ERCC6L2: variants seen among roughly 807,000 people sequenced by gnomAD.
ERCC6L2 encodes DNA excision repair protein ERCC-6-like 2.
Under a neutral mutation model 132.0 loss-of-function variants are expected in ERCC6L2, and 77 were observed. That is an observed-to-expected ratio of 0.58 (90% CI 0.49 to 0.71). The LOEUF is 0.71. Among genes scored for constraint, ERCC6L2 ranks in the 30% least tolerant of loss-of-function variants. The pLI, the probability that ERCC6L2 is intolerant of heterozygous loss-of-function variation, is 0.00. For missense variants in ERCC6L2, 1,542 were observed against 1,837.6 expected, an observed-to-expected ratio of 0.84 and a Z score of 2.94; for synonymous variants, 583 against 632.4, an observed-to-expected ratio of 0.92 and a Z score of 1.17.
At chr9:95,895,948 G>C (rs1461352918) in intron 2 of ERCC6L2, among the ~76,000 whole-genome samples, 1 of 152,010 alleles carries the variant, frequency 6.6e-6, no homozygotes, top group Non-Finnish European at 1.5e-5. Flanking sequence ...GGATGGTCTT[G>C]ATCTCCTGAC....
At chr9:95,986,000 A>G (rs1428172440) in intron 17 of ERCC6L2, among the ~76,000 whole-genome samples, 2 of 152,126 alleles carry the variant, frequency 1.3e-5, no homozygotes, top group African/African-American at 4.8e-5. Context: ...CTTTGCTTCT[A>G]TGGTTCCTTG....
chr9:96,012,579 T>C lies in ERCC6L2; in HGVS notation c.4029T>C (p.Ile1343=). 1 of 1,367,580 alleles carries C rather than the reference T, an allele frequency of 7.3e-7. No homozygotes were observed. The highest frequency in any genetic ancestry group is 1.9e-5 in the Admixed American group (1 of 52,578). The allele number at this position is 1,367,580 out of a possible 1,614,324, so 84.7% of individuals were successfully genotyped here. The change falls in exon 19 of 19, where the codon ATT becomes ATC. Residue 1343 remains isoleucine, a synonymous_variant. Transcript: ENST00000653738. ...KRKSVKFQNH[I]SYREEVFFND... is the part of the protein sequence containing the mutation. ...AATCAGTTAAGTTTCAGAATCATATTTCCTATAGAGAAGAGGTGTTTTTTA... is the reference window on the plus strand; with the variant it reads ...AATCAGTTAAGTTTCAGAATCATATCTCCTATAGAGAAGAGGTGTTTTTTA...
Position 96,001,240 on chromosome 9 carries a change from C to T in ERCC6L2, c.3493-3280C>T, listed in dbSNP as rs191675998. Reference sequence around the variant, plus strand: ...AAAGAGCGAAAGAACAAATCTTCCACAGTGTGGAAGGGGACCCGAGCGGGT... The same window carrying T: ...AAAGAGCGAAAGAACAAATCTTCCATAGTGTGGAAGGGGACCCGAGCGGGT... On this transcript the variant is annotated intron_variant, in intron 17 of 18. Coordinates refer to ENST00000653738, the MANE Select transcript of ERCC6L2 (RefSeq NM_020207.7). Among the ~76,000 whole-genome samples the T allele has an allele frequency of 4.3e-3, 656 of 152,226 alleles. 3 individuals are homozygous for T. Among genetic ancestry groups the T allele is most frequent in the Non-Finnish European group, 7.6e-3 (517 of 68,002 alleles).
At chr9:95,934,681 A>G (rs1362491389) in intron 11 of ERCC6L2, among the ~76,000 whole-genome samples, 1 of 152,138 alleles carries the variant, frequency 6.6e-6, no homozygotes, top group African/African-American at 2.4e-5. Flanking sequence ...AGCAAACCCT[A>G]TAATTTGAAA....
At chr9:95,920,126 A>G (rs1286611544) in intron 6 of ERCC6L2, among the ~76,000 whole-genome samples, 1 of 152,212 alleles carries the variant, frequency 6.6e-6, no homozygotes, top group Non-Finnish European at 1.5e-5. Context: ...TTTTAGAGAA[A>G]TGAAAAGCAG....
intron 3 of ERCC6L2, among the ~76,000 whole-genome samples, chr9:95,899,473 G>T (rs1828641433): frequency 6.6e-6 from 1 of 151,934 alleles, no homozygotes. Context: ...AAGAATGAAA[G>T]AAAAGAAAGT....
At chr9:95,881,620 G>A (rs555704040) in intron 2 of ERCC6L2, among the ~76,000 whole-genome samples, 14 of 152,330 alleles carry the variant, frequency 9.2e-5, no homozygotes, top group African/African-American at 3.1e-4. Context: ...TGGAAGGAAA[G>A]CATTCTAACA....
At chr9:95,927,685 G>T (rs1266703735) in intron 9 of ERCC6L2, among the ~76,000 whole-genome samples, 2 of 152,104 alleles carry the variant, frequency 1.3e-5, no homozygotes, top group Non-Finnish European at 2.9e-5. Flanking sequence ...TCCATCTAGG[G>T]ACAATTTAAA....
chr9:95,877,431 C>G (rs530021987), intron 1 of ERCC6L2, among the ~76,000 whole-genome samples: 1 of 151,984 alleles, frequency 6.6e-6, no homozygotes, highest in South Asian at 2.1e-4. Context: ...ACTCCCTTCT[C>G]ATAGCACTCT....
At chr9:95,877,432 A>G (rs1294509626) in intron 1 of ERCC6L2, among the ~76,000 whole-genome samples, 1 of 151,460 alleles carries the variant, frequency 6.6e-6, no homozygotes, top group Non-Finnish European at 1.5e-5. Flanking sequence ...CTCCCTTCTC[A>G]TAGCACTCTT....
chr9:95,948,087 A>G (rs1831149504), intron 12 of ERCC6L2, among the ~76,000 whole-genome samples: 1 of 152,218 alleles, frequency 6.6e-6, no homozygotes. Context: ...GCTGTCATAT[A>G]TAGTGATTTC....
At chr9:95,916,469 G>T (rs780043968) in intron 6 of ERCC6L2, 35 bp downstream of exon 6, 6 of 1,419,314 alleles carry the variant, frequency 4.2e-6, no homozygotes, top group Admixed American at 2.7e-5. Context: ...ATTAATTTGT[G>T]GTCATATTTT....
chr9:95,931,517 T>TA (rs1261278892), intron 11 of ERCC6L2, among the ~76,000 whole-genome samples: 33 of 152,218 alleles, frequency 2.2e-4, no homozygotes, highest in African/African-American at 8.0e-4. Flanking sequence ...CCAGAATATA[T>TA]AGGAAGTAAA....
intron 11 of ERCC6L2, among the ~76,000 whole-genome samples, chr9:95,931,418 G>A (rs950774725): frequency 1.3e-5 from 2 of 152,118 alleles, no homozygotes. Flanking sequence ...GCTCTTCTGT[G>A]TTGGATCTTT....
At chr9:95,877,956 A>G (rs959699372) in intron 1 of ERCC6L2, among the ~76,000 whole-genome samples, 7 of 152,232 alleles carry the variant, frequency 4.6e-5, no homozygotes, top group Non-Finnish European at 5.9e-5. Context: ...GGAAAAGACA[A>G]AAAACCAGTG....
At chr9:95,920,330 T>C (rs534039047) in intron 6 of ERCC6L2, among the ~76,000 whole-genome samples, 1 of 152,274 alleles carries the variant, frequency 6.6e-6, no homozygotes, top group South Asian at 2.1e-4. Flanking sequence ...ATGACCTACT[T>C]CCACTTAATG....
chr9:96,027,470 T>A (rs897042187), intron 19 of ERCC6L2, among the ~76,000 whole-genome samples: 1 of 152,146 alleles, frequency 6.6e-6, no homozygotes, highest in Admixed American at 6.5e-5. Context: ...AGAGGCTGCG[T>A]GTGCCCGGCT....
intron 3 of ERCC6L2, among the ~76,000 whole-genome samples, chr9:95,901,228 G>C (rs1828759848): frequency 6.6e-6 from 1 of 151,932 alleles, no homozygotes; most frequent in African/African-American, 2.4e-5. Context: ...TTGCAGATGA[G>C]AGTTCAGTGT....
intron 18 of ERCC6L2, 177 bp downstream of exon 18, chr9:96,004,878 CTGAAT>C (rs1756939295): frequency 8.3e-6 from 3 of 361,602 alleles, no homozygotes; most frequent in Non-Finnish European, 1.6e-5. Flanking sequence ...AGGCTAATCC[CTGAAT>C]TGATTACCAT....
Sources: gnomAD v4.1 joint callset for allele counts (sites outside exome capture counted in the v4.1 genomes callset) on GRCh38, gnomAD v4.1.1 for gene constraint, MANE v1.5 for transcripts, NCBI Gene and HGNC (gene_info 2026-07-23, HGNC 2026-07-21) for gene names.